The following PDZRN3 variants were observed in gnomAD, a reference collection of about 807,000 sequenced individuals.
PDZRN3 encodes the protein E3 ubiquitin-protein ligase PDZRN3.
A neutral mutation model predicts 85.7 loss-of-function variants in PDZRN3; 38 were observed. The observed-to-expected ratio is 0.44, with a 90% confidence interval of 0.34 to 0.58. The LOEUF (loss-of-function observed/expected upper bound fraction) is 0.58. Ranked by LOEUF, PDZRN3 falls within the 20% of genes least tolerant of loss-of-function variation. PDZRN3 has a pLI of 0.01. For synonymous variants in PDZRN3, 759 were observed against 638.0 expected (o/e 1.19, Z -2.86); for missense variants, 1,629 against 1,506.4 (o/e 1.08, Z -1.35).
At chr3:73,578,332 C>T (rs191502422) in intron 3 of PDZRN3, among the ~76,000 whole-genome samples, 5 of 152,164 alleles carry the variant, frequency 3.3e-5, no homozygotes, top group African/African-American at 4.8e-5. Context: ...CCATGCCTGG[C>T]TAATTTTTTG....
intron 3 of PDZRN3, among the ~76,000 whole-genome samples, chr3:73,413,729 G>A (rs1702019945): frequency 6.6e-6 from 1 of 152,138 alleles, no homozygotes; most frequent in South Asian, 2.1e-4. Flanking sequence ...AGGGTGTAGT[G>A]AAAAGGGGCA....
intron 3 of PDZRN3, among the ~76,000 whole-genome samples, chr3:73,471,652 C>T (rs1703343148): frequency 6.6e-6 from 1 of 152,168 alleles, no homozygotes; most frequent in Non-Finnish European, 1.5e-5. Flanking sequence ...TGGTTTTGCC[C>T]TCAAGGAGGG....
intron 3 of PDZRN3, among the ~76,000 whole-genome samples, chr3:73,459,003 A>AC (rs1169700997): frequency 6.6e-6 from 1 of 151,498 alleles, no homozygotes. Flanking sequence ...AACAAAAAAA[A>AC]AAAAAGAAAA....
At chr3:73,595,279 T>C (rs1180420158) in intron 3 of PDZRN3, among the ~76,000 whole-genome samples, 1 of 152,202 alleles carries the variant, frequency 6.6e-6, no homozygotes, top group South Asian at 2.1e-4. Context: ...AACAGAATAT[T>C]TGGGTAACCA....
At chr3:73,408,598 G>C (rs978545382) in intron 3 of PDZRN3, among the ~76,000 whole-genome samples, 1 of 151,554 alleles carries the variant, frequency 6.6e-6, no homozygotes, top group Non-Finnish European at 1.5e-5. Flanking sequence ...AGGGGGGGGG[G>C]TGCAACAGAA....
chr3:73,498,533 T>C (rs1703912650), intron 3 of PDZRN3, among the ~76,000 whole-genome samples: 1 of 152,134 alleles, frequency 6.6e-6, no homozygotes, highest in South Asian at 2.1e-4. Context: ...TAACGCTACC[T>C]TTTTGTGCTA....
chr3:73,524,336 A>T (rs552935548), intron 3 of PDZRN3, among the ~76,000 whole-genome samples: 2 of 152,226 alleles, frequency 1.3e-5, no homozygotes, highest in Non-Finnish European at 1.5e-5. Flanking sequence ...GTAAGTCTTT[A>T]AAAAAGCTTA....
rs1157970424 is a variant in PDZRN3, at chr3:73,453,415, A to C, written c.919-49020T>G. On this transcript the variant is annotated intron_variant, in intron 3 of 9. Coordinates refer to ENST00000263666, the MANE Select transcript of PDZRN3 (RefSeq NM_015009.3). ...GTGAGACTTCGTCTCAAAAAAAAAA[A>C]AAAAAAAACAAAAAAAAAAAACAAA... 6.2e-4 allele frequency among the ~76,000 whole-genome samples: 84 copies of C among 134,876 alleles called. No individual in the cohort carries two copies. The Middle Eastern group carries it at 0.011, about 18-fold the overall frequency. 88.5% of individuals were successfully genotyped at this position (134,876 alleles called of 152,430 possible). A position where few individuals can be genotyped will look rare whatever the true frequency, so the allele number is the denominator to read the frequency against.
chr3:73,438,997 T>C (rs753080880), intron 3 of PDZRN3, among the ~76,000 whole-genome samples: 2 of 152,176 alleles, frequency 1.3e-5, no homozygotes, highest in Non-Finnish European at 2.9e-5. Flanking sequence ...TCCTTCAGGG[T>C]GCCCCTTAAG....
intron 1 of PDZRN3, among the ~76,000 whole-genome samples, chr3:73,619,742 C>T (rs1702823865): frequency 6.6e-6 from 1 of 152,068 alleles, no homozygotes; most frequent in Non-Finnish European, 1.5e-5. Context: ...CCGGTAGGAT[C>T]CAGAGCATGT....
chr3:73,535,870 T>C (rs1481345503), intron 3 of PDZRN3, among the ~76,000 whole-genome samples: 1 of 152,210 alleles, frequency 6.6e-6, no homozygotes, highest in African/African-American at 2.4e-5. Flanking sequence ...ACTCTAGCTA[T>C]GCCCTGAAGT....
At chr3:73,390,825 T>G (rs1245131541) in intron 6 of PDZRN3, among the ~76,000 whole-genome samples, 193 bp downstream of exon 6, 1 of 152,152 alleles carries the variant, frequency 6.6e-6, no homozygotes, top group African/African-American at 2.4e-5. Context: ...AAGGGTAATT[T>G]TGCCATAAGT....
intron 1 of PDZRN3, chr3:73,623,710 A>C (rs1702906251): frequency 5.9e-6 from 1 of 169,022 alleles, no homozygotes; most frequent in African/African-American, 2.4e-5. Context: ...GTCAGTCTAT[A>C]GGTTTCTGAC....
At chr3:73,463,612 A>G (rs561873393) in intron 3 of PDZRN3, among the ~76,000 whole-genome samples, 2 of 152,346 alleles carry the variant, frequency 1.3e-5, no homozygotes, top group South Asian at 2.1e-4. Context: ...TGTGGAAGAC[A>G]GTGTGGTGAT....
At chr3:73,520,656 A>G (rs1704343820) in intron 3 of PDZRN3, among the ~76,000 whole-genome samples, 1 of 152,180 alleles carries the variant, frequency 6.6e-6, no homozygotes, top group Non-Finnish European at 1.5e-5. Context: ...GAGGACAATG[A>G]AAGACTCCCA....
intron 3 of PDZRN3, among the ~76,000 whole-genome samples, chr3:73,406,000 T>C (rs1370034769): frequency 1.3e-5 from 2 of 152,220 alleles, no homozygotes; most frequent in African/African-American, 4.8e-5. Flanking sequence ...ATTCTTTCCT[T>C]GTAATGAAGC....
At chr3:73,448,001 C>T (rs1318560343) in intron 3 of PDZRN3, among the ~76,000 whole-genome samples, 1 of 152,200 alleles carries the variant, frequency 6.6e-6, no homozygotes, top group African/African-American at 2.4e-5. Context: ...AGGATCATAT[C>T]TAGCACACAC....
At chr3:73,581,598 C>CA (rs1004186716) in intron 3 of PDZRN3, among the ~76,000 whole-genome samples, 1 of 151,784 alleles carries the variant, frequency 6.6e-6, no homozygotes. Context: ...CTTGTAGGTC[C>CA]AAAAAAATGC....
intron 3 of PDZRN3, among the ~76,000 whole-genome samples, chr3:73,493,760 A>T (rs1487663171): frequency 1.3e-5 from 2 of 152,192 alleles, no homozygotes; most frequent in African/African-American, 2.4e-5. Flanking sequence ...TGGTTAAGGG[A>T]TGGCACATGC....
Sources: allele counts gnomAD v4.1 joint callset (sites outside exome capture counted in the v4.1 genomes callset), GRCh38; gene constraint gnomAD v4.1.1; transcripts MANE v1.5; gene names NCBI Gene and HGNC (gene_info 2026-07-23, HGNC 2026-07-21).